The following C6 variants were observed in gnomAD, a reference collection of about 807,000 sequenced individuals.
C6 encodes the protein complement C6.
Under a neutral mutation model 112.9 loss-of-function variants are expected in C6, and 101 were observed. The ratio of observed to expected loss-of-function variants is 0.89; its 90% CI spans 0.76 to 1.06. The LOEUF (loss-of-function observed/expected upper bound fraction) is 1.06, where lower values mean the gene tolerates loss of function less well. Among genes scored for constraint, C6 ranks in the 50% least tolerant of loss-of-function variants. The pLI is 0.00. For missense variants in C6, 1,202 were observed against 1,104.6 expected, an observed-to-expected ratio of 1.09 and a Z score of -1.25; for synonymous variants, 431 against 384.1, an observed-to-expected ratio of 1.12 and a Z score of -1.43.
chr5:41,249,445 C>G (rs1741210279), intron 1 of C6, among the ~76,000 whole-genome samples: 1 of 151,980 alleles, frequency 6.6e-6, no homozygotes, highest in African/African-American at 2.4e-5. Context: ...TGTATTTGCT[C>G]CTATAGATAT....
At position 41,144,931 on chromosome 5, in the gene C6, C is replaced by G. The variant is rs561602934; in HGVS notation, c.2624-1925G>C. 3.4e-4 allele frequency among the ~76,000 whole-genome samples: 52 copies of G among 152,282 alleles called. 1 individual carries two copies. Among genetic ancestry groups the G allele is most frequent in the African/African-American group, 1.2e-3 (51 of 41,562 alleles). ...GACATGATCTCATTGTTTTTTATGG[C>G]TGCATAGCATTCCATGGTATATTTG... On this transcript the variant is annotated intron_variant, in intron 17 of 17. Coordinates refer to ENST00000337836, the MANE Select transcript of C6 (RefSeq NM_000065.5).
intron 17 of C6, among the ~76,000 whole-genome samples, chr5:41,144,559 G>A (rs550114801): frequency 6.6e-6 from 1 of 152,264 alleles, no homozygotes; most frequent in Non-Finnish European, 1.5e-5. Context: ...GGACCACAAT[G>A]TCTGACCAGA....
chr5:41,234,971 T>G (rs992711403), intron 1 of C6, among the ~76,000 whole-genome samples: 1 of 151,998 alleles, frequency 6.6e-6, no homozygotes, highest in African/African-American at 2.4e-5. Flanking sequence ...TGTCCTTCTA[T>G]TCACTGTGAA....
At chr5:41,212,188 G>A (rs1751986133) in intron 1 of C6, among the ~76,000 whole-genome samples, 2 of 151,958 alleles carry the variant, frequency 1.3e-5, no homozygotes, top group South Asian at 4.2e-4. Flanking sequence ...TTGAGACAGA[G>A]TTTCATTCTT....
chr5:41,216,951 T>G (rs1157116004), upstream of C6, among the ~76,000 whole-genome samples: 1 of 152,118 alleles, frequency 6.6e-6, no homozygotes, highest in African/African-American at 2.4e-5. Flanking sequence ...GCAATTTTAT[T>G]CCATATTACC....
chr5:41,200,907 T>G (rs1035750132), intron 3 of C6, among the ~76,000 whole-genome samples: 11 of 145,178 alleles, frequency 7.6e-5, no homozygotes, highest in Non-Finnish European at 1.2e-4. Context: ...TTTTTTTTTT[T>G]TTTTTTTTTT....
intron 11 of C6, 87 bp from the exon 12 acceptor site, chr5:41,159,340 T>G: frequency 6.5e-7 from 1 of 1,533,400 alleles, no homozygotes; most frequent in Non-Finnish European, 8.8e-7. Context: ...TCCTCACTTT[T>G]TAGCTCAGTA....
chr5:41,147,067 C>T (rs1243125380), intron 17 of C6, among the ~76,000 whole-genome samples: 3 of 152,068 alleles, frequency 2.0e-5, no homozygotes, highest in Non-Finnish European at 4.4e-5. Flanking sequence ...TCTTAACTTC[C>T]CTGCTGACCA....
At position 41,199,755 on chromosome 5, in the gene C6, A is replaced by G. The variant is rs1230242115; in HGVS notation, c.445+13T>C. On this transcript the variant is annotated intron_variant, in intron 4 of 17. Transcript: ENST00000337836. ...TTTTAGTGGGGACTGAACATTTCACAAAAATACATTACCACTGTCACAGCG... is the reference window on the plus strand; with the variant it reads ...TTTTAGTGGGGACTGAACATTTCACGAAAATACATTACCACTGTCACAGCG... The G allele has an allele frequency of 6.2e-7, 1 of 1,613,190 alleles. No homozygotes were observed. The highest frequency in any genetic ancestry group is 8.5e-7 in the Non-Finnish European group (1 of 1,179,374).
chr5:41,235,443 A>G (rs1740225622), intron 1 of C6, among the ~76,000 whole-genome samples: 1 of 142,460 alleles, frequency 7.0e-6, no homozygotes, highest in Admixed American at 7.0e-5. Flanking sequence ...TCCATGGTGT[A>G]TATGTGCCAC....
chr5:41,200,011 T>C (rs1750891138), intron 3 of C6, 99 bp from the exon 4 acceptor site: 1 of 1,049,180 alleles, frequency 9.5e-7, no homozygotes, highest in South Asian at 1.3e-5. Flanking sequence ...TGATTTTTCC[T>C]ATGGTAATAT....
intron 1 of C6, among the ~76,000 whole-genome samples, chr5:41,258,184 T>G (rs1164185316): frequency 6.6e-6 from 1 of 152,176 alleles, no homozygotes; most frequent in Non-Finnish European, 1.5e-5. Context: ...GTTAATGTAT[T>G]ATGAGGAAAG....
chr5:41,180,929 T>C (rs997893976), intron 7 of C6, among the ~76,000 whole-genome samples: 2 of 151,816 alleles, frequency 1.3e-5, no homozygotes, highest in African/African-American at 4.8e-5. Context: ...TGTGTTTACA[T>C]AAATGTAGCA....
intron 15 of C6, among the ~76,000 whole-genome samples, chr5:41,150,824 T>C (rs1347387048): frequency 6.6e-6 from 1 of 150,774 alleles, no homozygotes; most frequent in Non-Finnish European, 1.5e-5. Flanking sequence ...GAGGCAGAGG[T>C]TGCAGTGAGC....
chr5:41,200,882 GTTGTTGTTGTTT>G (rs1367475982), intron 3 of C6, among the ~76,000 whole-genome samples: 3 of 73,640 alleles, frequency 4.1e-5, no homozygotes, highest in African/African-American at 1.3e-4. Context: ...TGTTGTTGTT[GTTGTTGTTGTTT>G]TTTTTTTTTT....
intron 1 of C6, among the ~76,000 whole-genome samples, chr5:41,223,675 T>G (rs558947328): frequency 2.0e-5 from 3 of 152,330 alleles, no homozygotes; most frequent in Admixed American, 6.5e-5. Flanking sequence ...ATACATGTCA[T>G]TGAAGGAAAT....
chr5:41,167,250 G>T (rs1748059064), intron 9 of C6, among the ~76,000 whole-genome samples: 1 of 151,914 alleles, frequency 6.6e-6, no homozygotes, highest in African/African-American at 2.4e-5. Flanking sequence ...TAATGTCAAG[G>T]GCCAGGCTCT....
intron 8 of C6, 69 bp from the exon 9 acceptor site, chr5:41,172,416 C>A: frequency 6.7e-7 from 1 of 1,482,818 alleles, no homozygotes; most frequent in Non-Finnish European, 9.4e-7. Context: ...GAACATGGTG[C>A]TCTGGTCACT....
chr5:41,211,775 A>G (rs1302656975), intron 1 of C6, among the ~76,000 whole-genome samples: 1 of 143,388 alleles, frequency 7.0e-6, no homozygotes, highest in Non-Finnish European at 1.5e-5. Context: ...TATCTTCCAG[A>G]ATATTTCCTC....
Sources: allele counts gnomAD v4.1 joint callset (sites outside exome capture counted in the v4.1 genomes callset), GRCh38; gene constraint gnomAD v4.1.1; transcripts MANE v1.5; gene names NCBI Gene and HGNC (gene_info 2026-07-23, HGNC 2026-07-21).